Variants in NFX1 observed in about 807,000 individuals in gnomAD.
NFX1 encodes transcriptional repressor NF-X1.
A neutral mutation model predicts 137.2 loss-of-function variants in NFX1; 69 were observed. The observed-to-expected ratio is 0.50, with a 90% CI of 0.41 to 0.61. NFX1 has a LOEUF of 0.61. NFX1 is among the 20% of genes least tolerant of loss of function. The pLI, the probability that NFX1 is intolerant of heterozygous loss-of-function variation, is 0.00. For missense variants in NFX1, 1,167 were observed against 1,391.0 expected, an observed-to-expected ratio of 0.84 and a Z score of 2.56; for synonymous variants, 495 against 474.1, an observed-to-expected ratio of 1.04 and a Z score of -0.57.
At chr9:33,364,831 A>G (rs577628307) in intron 21 of NFX1, 57 bp downstream of exon 21, 2 of 1,596,414 alleles carry the variant, frequency 1.3e-6, no homozygotes, top group African/African-American at 2.7e-5. Flanking sequence ...ATGAAAAAAA[A>G]AAAGCAATCA....
chr9:33,338,307 A>G (rs1038544756), intron 11 of NFX1, among the ~76,000 whole-genome samples: 3 of 151,680 alleles, frequency 2.0e-5, no homozygotes, highest in Non-Finnish European at 4.4e-5. Flanking sequence ...GTGAGCCGAG[A>G]TCACACCACT....
At chr9:33,301,586 A>T (rs1413060954) in intron 3 of NFX1, among the ~76,000 whole-genome samples, 165 bp downstream of exon 3, 1 of 152,224 alleles carries the variant, frequency 6.6e-6, no homozygotes, top group African/African-American at 2.4e-5. Flanking sequence ...ATTAAGTTAT[A>T]GATCTTAAAT....
chr9:33,303,529 C>T (rs960203263), intron 4 of NFX1, among the ~76,000 whole-genome samples: 29 of 152,186 alleles, frequency 1.9e-4, no homozygotes, highest in Admixed American at 1.6e-3. Flanking sequence ...TGAGACCAGG[C>T]CTGACCATGT....
At position 33,369,127 on chromosome 9, in the gene NFX1, G is replaced by A. The variant is rs190051061; in HGVS notation, c.3291-779G>A. 3.0e-3 allele frequency among the ~76,000 whole-genome samples: 462 copies of A among 151,986 alleles called. 7 individuals are homozygous for A. Among genetic ancestry groups the A allele is most frequent in the Admixed American group, 0.027 (412 of 15,258 alleles). ...GCCGCCCAGGCTGGAGTGCAGTGGC[G>A]CGATCTCAGCTCACTGCAAGCTCCG... On this transcript the variant is annotated intron_variant, in intron 23 of 23. Coordinates refer to ENST00000379540, the MANE Select transcript of NFX1 (RefSeq NM_002504.6).
Position 33,313,635 on chromosome 9 carries a change from ACAT to A in NFX1, c.1449-17_1449-15del. On this transcript the variant is annotated splice_polypyrimidine_tract_variant and intron_variant, in intron 6 of 23. Transcript: ENST00000379540. Reference sequence around the variant, plus strand: ...GAACTTTTACACTGATGCTGTCTTTACATCTATTGTCTTTACAGGCACACAGTT... The same window carrying A: ...GAACTTTTACACTGATGCTGTCTTTACTATTGTCTTTACAGGCACACAGTT... The A allele has an allele frequency of 6.2e-7, 1 of 1,612,850 alleles. No homozygotes were observed. The highest frequency in any genetic ancestry group is 8.5e-7 in the Non-Finnish European group (1 of 1,178,946).
At chr9:33,298,176 A>C (rs543519508) in intron 2 of NFX1, among the ~76,000 whole-genome samples, 2 of 152,234 alleles carry the variant, frequency 1.3e-5, no homozygotes, top group African/African-American at 4.8e-5. Context: ...AAGGTTAAGA[A>C]GACAGAGTGA....
At chr9:33,333,532 GTGT>G (rs1404721249) in intron 11 of NFX1, among the ~76,000 whole-genome samples, 1 of 152,250 alleles carries the variant, frequency 6.6e-6, no homozygotes, top group Non-Finnish European at 1.5e-5. Context: ...CATGAAGAGA[GTGT>G]TGTTGTTCTC....
chr9:33,341,535 A>G (rs1823222454), intron 12 of NFX1, among the ~76,000 whole-genome samples: 2 of 152,340 alleles, frequency 1.3e-5, no homozygotes, highest in African/African-American at 4.8e-5. Context: ...TGTATATAGC[A>G]TACATAATTA....
Position 33,354,180 on chromosome 9 carries a change from C to T in NFX1, c.2824C>T (p.Gln942Ter). Residue 942 changes from glutamine (Q) to a stop codon, truncating the protein, a stop_gained, in exon 18 of 24, where the codon CAA (glutamine) becomes TAA (stop). Transcript: ENST00000379540. LOFTEE classifies it high-confidence loss of function. Reference protein sequence around the residue: ...SKLITKKEVHQARLECDEECS... With the variant: ...SKLITKKEVH ...GTTAATTACCAAAAAGGAAGTTCATCAAGCCAGGTAATTTTTAAAATGCAT... is the reference window on the plus strand; with the variant it reads ...GTTAATTACCAAAAAGGAAGTTCATTAAGCCAGGTAATTTTTAAAATGCAT... 1 of 1,611,802 alleles carries T rather than the reference C, an allele frequency of 6.2e-7. No individual in the cohort carries two copies.
intron 19 of NFX1, among the ~76,000 whole-genome samples, chr9:33,359,696 T>C (rs1160930831): frequency 6.6e-6 from 1 of 152,230 alleles, no homozygotes; most frequent in Non-Finnish European, 1.5e-5. Flanking sequence ...AGTAAGTTAT[T>C]TGAGGATACT....
chr9:33,314,304 A>G (rs1358019030), intron 7 of NFX1, among the ~76,000 whole-genome samples: 2 of 152,096 alleles, frequency 1.3e-5, no homozygotes, highest in African/African-American at 2.4e-5. Context: ...TAAATAGTAG[A>G]TTTTAAAATG....
chr9:33,304,783 C>T (rs1280487147), intron 4 of NFX1, among the ~76,000 whole-genome samples: 2 of 152,300 alleles, frequency 1.3e-5, no homozygotes, highest in South Asian at 2.1e-4. Flanking sequence ...CTTGAATATA[C>T]TACCAGAAAG....
At chr9:33,341,606 G>A (rs911873510) in intron 12 of NFX1, among the ~76,000 whole-genome samples, 2 of 152,254 alleles carry the variant, frequency 1.3e-5, no homozygotes, top group African/African-American at 4.8e-5. Context: ...ATAAACTAGT[G>A]TTAGAAGGCT....
At chr9:33,317,365 G>C (rs1161455695) in intron 7 of NFX1, among the ~76,000 whole-genome samples, 1 of 148,356 alleles carries the variant, frequency 6.7e-6, no homozygotes, top group Admixed American at 6.8e-5. Flanking sequence ...GCTGCAGTGA[G>C]CTGTGTTCAC....
Position 33,294,607 on chromosome 9 carries a change from T to C in NFX1, c.213T>C (p.His71=), listed in dbSNP as rs2118162193. The change falls in exon 2 of 24, where the codon CAT becomes CAC. Residue 71 remains histidine, a synonymous_variant. Coordinates refer to ENST00000379540, the MANE Select transcript of NFX1 (RefSeq NM_002504.6). The part of the protein sequence containing the change: ...PYDEISAVHQ[H]SYHPSGSKPK... ...ATGAAATCTCTGCTGTTCATCAGCA[T>C]AGTTATCATCCGTCAGGAAGCAAAC... 4 of 1,614,180 alleles carry C rather than the reference T, an allele frequency of 2.5e-6. No homozygotes were observed. Among genetic ancestry groups the C allele is most frequent in the Non-Finnish European group, 2.5e-6 (3 of 1,180,024 alleles).
intron 9 of NFX1, among the ~76,000 whole-genome samples, chr9:33,326,890 T>G (rs1822614335): frequency 6.6e-6 from 1 of 152,140 alleles, no homozygotes; most frequent in African/African-American, 2.4e-5. Flanking sequence ...TGTGTAAGGG[T>G]AAACCTTCTG....
chr9:33,326,670 G>T (rs1223052517), intron 9 of NFX1, among the ~76,000 whole-genome samples: 1 of 152,194 alleles, frequency 6.6e-6, no homozygotes, highest in East Asian at 1.9e-4. Flanking sequence ...AGTCAGCTAT[G>T]ATCATGCCAC....
Position 33,318,867 on chromosome 9 carries a change from G to T in NFX1, c.1688+37G>T, listed in dbSNP as rs1382447024. On this transcript the variant is annotated intron_variant, in intron 8 of 23. Coordinates refer to ENST00000379540, the MANE Select transcript of NFX1 (RefSeq NM_002504.6). ...CGTTTTCTTCAGTTGAACTAAAGCT[G>T]CACTTTATGCAACAATTATGTAATA... The T allele has an allele frequency of 3.7e-6, 6 of 1,613,828 alleles. No individual in the cohort carries two copies. The African/African-American group carries it at 6.7e-5, about 18-fold the overall frequency.
intron 4 of NFX1, among the ~76,000 whole-genome samples, chr9:33,305,163 C>A (rs1488679353): frequency 6.6e-6 from 1 of 152,224 alleles, no homozygotes; most frequent in African/African-American, 2.4e-5. Context: ...CCAGAGCTTA[C>A]AGTCTAAGAG....
Sources: gnomAD v4.1 joint callset for allele counts (sites outside exome capture counted in the v4.1 genomes callset) on GRCh38, gnomAD v4.1.1 for gene constraint, MANE v1.5 for transcripts, NCBI Gene and HGNC (gene_info 2026-07-23, HGNC 2026-07-21) for gene names.